The following CTCF variants were observed in gnomAD, a reference collection of about 807,000 sequenced individuals.
The protein encoded by CTCF is CCCTC-binding factor.
CTCF carries 7 observed loss-of-function variants against 72.3 expected under a neutral mutation model. The ratio of observed to expected loss-of-function variants is 0.10; its 90% confidence interval spans 0.06 to 0.18. CTCF has a LOEUF of 0.18. Ranked by LOEUF, CTCF falls within the 10% of genes least tolerant of loss-of-function variation. The pLI is 1.00. For missense variants in CTCF, 516 were observed against 949.1 expected (o/e 0.54, Z 6.00); for synonymous variants, 374 against 315.8 (o/e 1.18, Z -1.95).
chr16:67,612,683 A>G (rs1374530748), intron 4 of CTCF, among the ~76,000 whole-genome samples: 1 of 152,126 alleles, frequency 6.6e-6, no homozygotes, highest in African/African-American at 2.4e-5. Context: ...CTGTAATCCT[A>G]ACACTCTGGG....
rs549711902 is a variant in CTCF at position 67,610,850 on chromosome 16, C to T, written c.18C>T (p.Val6=). ...CAGGGGAAATGGAAGGTGATGCAGT[C>T]GAAGCCATTGTGGAGGAGTCCGAAA... is the stretch of plus-strand genomic sequence containing the variant. MEGDA[V]EAIVEESETF... Residue 6 remains valine (V), a synonymous_variant, in exon 3 of 12, where the codon GTC becomes GTT. Coordinates refer to ENST00000264010, the MANE Select transcript of CTCF (RefSeq NM_006565.4). 945 of 1,485,572 alleles carry T rather than the reference C, an allele frequency of 6.4e-4. 18 individuals are homozygous for T. The South Asian group carries it at 0.013, about 20-fold the overall frequency. 92.0% of individuals were successfully genotyped at this position (1,485,572 alleles called of 1,614,324 possible).
chr16:67,586,535 CAA>C (rs1213215957), intron 2 of CTCF, among the ~76,000 whole-genome samples: 6 of 100,650 alleles, frequency 6.0e-5, no homozygotes, highest in Admixed American at 1.2e-4. Flanking sequence ...GACTCCGTCT[CAA>C]AAAAAAAAAA....
chr16:67,624,145 G>A lies in CTCF; in HGVS notation c.1358-2410G>A, dbSNP rs1037978840. 4.2e-3 allele frequency among the ~76,000 whole-genome samples: 611 copies of A among 145,808 alleles called. 2 individuals are homozygous for A. Among genetic ancestry groups the A allele is most frequent in the Non-Finnish European group, 7.1e-3 (471 of 66,800 alleles). Reference sequence around the variant, plus strand: ...TGTGTGTATATATATGTGTGTGTGTGTATATATGTGTGTATATATATATGT... The same window carrying A: ...TGTGTGTATATATATGTGTGTGTGTATATATATGTGTGTATATATATATGT... On this transcript the variant is annotated intron_variant, in intron 7 of 11. Transcript: ENST00000264010.
At chr16:67,620,624 G>C in intron 5 of CTCF, 73 bp from the exon 6 acceptor site, 1 of 1,316,226 alleles carries the variant, frequency 7.6e-7, no homozygotes, top group Non-Finnish European at 1.0e-6. Context: ...CTAAGCTTTT[G>C]TGCCTAACCT....
intron 2 of CTCF, among the ~76,000 whole-genome samples, chr16:67,607,720 C>T (rs12933327): frequency 6.6e-6 from 1 of 151,826 alleles, no homozygotes; most frequent in Non-Finnish European, 1.5e-5. Flanking sequence ...GGGCACAGTG[C>T]TAAAGAGTAA....
intron 10 of CTCF, 39 bp from the exon 11 acceptor site, chr16:67,636,648 TCTC>T (rs766502586): frequency 2.6e-6 from 4 of 1,510,190 alleles, no homozygotes; most frequent in Middle Eastern, 1.8e-4. Context: ...CCACCACCCT[TCTC>T]CTTGCCCCAC....
In CTCF at chr16:67,629,486, G is replaced by A. The variant is rs2142869711; in HGVS notation, c.1790G>A (p.Gly597Glu). 1 of 1,613,600 alleles carries A rather than the reference G, an allele frequency of 6.2e-7. No individual in the cohort carries two copies. The highest frequency in any genetic ancestry group is 8.5e-7 in the Non-Finnish European group (1 of 1,179,888). ...NGGETKKSKR[G>E]RKRKMRSKKE... ...GGAGAAACGAAGAAGAGTAAACGTG[G>A]AAGAAAAAGAAAGATGCGCTCTAAG... Residue 597 changes from glycine (G) to glutamate (E), a missense_variant, in exon 10 of 12, where the codon GGA (glycine) becomes GAA (glutamate). By Grantham distance (98) the Gly-to-Glu change is moderately conservative. Transcript: ENST00000264010.
chr16:67,635,511 A>T (rs1373428090), intron 10 of CTCF: 1 of 151,610 alleles, frequency 6.6e-6, no homozygotes, highest in Non-Finnish European at 1.5e-5. Flanking sequence ...TTCTCTGGAG[A>T]CAGAGTTTCA....
chr16:67,594,962 C>T (rs1306550838), intron 2 of CTCF, among the ~76,000 whole-genome samples: 2 of 152,214 alleles, frequency 1.3e-5, no homozygotes, highest in East Asian at 3.9e-4. Flanking sequence ...GACAAGACAT[C>T]AGATACTGAT....
intron 2 of CTCF, among the ~76,000 whole-genome samples, chr16:67,578,078 T>G (rs1015286318): frequency 1.3e-5 from 2 of 152,178 alleles, no homozygotes; most frequent in African/African-American, 4.8e-5. Flanking sequence ...TTAACAGGCA[T>G]GTACATATAA....
intron 2 of CTCF, among the ~76,000 whole-genome samples, chr16:67,593,525 T>C (rs1432099022): frequency 6.6e-6 from 1 of 152,208 alleles, no homozygotes; most frequent in African/African-American, 2.4e-5. Flanking sequence ...CATTATTTCA[T>C]TCTTTTTTAT....
At chr16:67,575,521 T>C (rs2051483893) in intron 2 of CTCF, among the ~76,000 whole-genome samples, 1 of 152,090 alleles carries the variant, frequency 6.6e-6, no homozygotes, top group South Asian at 2.1e-4. Context: ...CTCGGCTCAC[T>C]GCAGCCTCTG....
intron 7 of CTCF, 79 bp from the exon 8 acceptor site, chr16:67,626,476 A>G: frequency 1.0e-6 from 1 of 971,782 alleles, no homozygotes; most frequent in Non-Finnish European, 1.4e-6. Flanking sequence ...AAAAAAAAGA[A>G]TCGAGAAATG....
intron 10 of CTCF, among the ~76,000 whole-genome samples, chr16:67,631,408 A>G (rs1203369394): frequency 1.3e-5 from 2 of 151,682 alleles, no homozygotes; most frequent in Non-Finnish European, 2.9e-5. Context: ...CAGGTGATCC[A>G]TCCGCCTCGG....
chr16:67,572,814 C>T (rs1264431748), intron 2 of CTCF, among the ~76,000 whole-genome samples: 1 of 150,998 alleles, frequency 6.6e-6, no homozygotes, highest in East Asian at 2.0e-4. Context: ...GTGGTGGGTG[C>T]CTGTAATCCC....
At chr16:67,628,677 G>A in intron 9 of CTCF, 125 bp downstream of exon 9, 1 of 963,806 alleles carries the variant, frequency 1.0e-6, no homozygotes, top group Non-Finnish European at 1.6e-6. Flanking sequence ...GTTTGGAAAG[G>A]GTTAGTCATC....
chr16:67,601,217 GGT>G (rs59655549), intron 2 of CTCF, among the ~76,000 whole-genome samples: 74,546 of 128,098 alleles, frequency 0.58, 24,219 homozygotes, highest in East Asian at 0.82. Context: ...TGCACTAAGG[GGT>G]GTGTGTGTGT....
intron 2 of CTCF, among the ~76,000 whole-genome samples, chr16:67,578,992 C>T (rs546005924): frequency 6.0e-5 from 9 of 151,246 alleles, no homozygotes; most frequent in East Asian, 2.0e-4. Context: ...TGGTGGCTCA[C>T]GCCTGTAATC....
At chr16:67,626,211 G>A (rs750801457) in intron 7 of CTCF, among the ~76,000 whole-genome samples, 16 of 151,914 alleles carry the variant, frequency 1.1e-4, no homozygotes, top group African/African-American at 1.9e-4. Flanking sequence ...AGGCCGAGGC[G>A]GGCAGATCAC....
Sources: gnomAD v4.1 joint callset for allele counts (sites outside exome capture counted in the v4.1 genomes callset) on GRCh38, gnomAD v4.1.1 for gene constraint, MANE v1.5 for transcripts, NCBI Gene and HGNC (gene_info 2026-07-23, HGNC 2026-07-21) for gene names.